Variants in TMEM108 observed in about 807,000 individuals in gnomAD.
TMEM108 encodes cancer/testis antigen 124.
Under a neutral mutation model 35.1 loss-of-function variants are expected in TMEM108, and 12 were observed. The observed-to-expected ratio is 0.34, with a 90% confidence interval of 0.22 to 0.55. TMEM108 has a LOEUF of 0.55. Ranked by LOEUF, TMEM108 falls within the 20% of genes least tolerant of loss-of-function variation. The pLI is 0.89. For synonymous variants in TMEM108, 287 were observed against 308.6 expected (o/e 0.93, Z 0.73); for missense variants, 680 against 753.3 (o/e 0.90, Z 1.14).
intron 3 of TMEM108, among the ~76,000 whole-genome samples, chr3:133,256,358 C>G (rs1428933121): frequency 2.0e-5 from 3 of 152,120 alleles, no homozygotes; most frequent in Non-Finnish European, 4.4e-5. Context: ...AACATTTCTT[C>G]TGAGAAACAA....
intron 2 of TMEM108, among the ~76,000 whole-genome samples, chr3:133,228,670 A>G (rs777205558): frequency 8.5e-5 from 13 of 152,314 alleles, no homozygotes; most frequent in Non-Finnish European, 1.3e-4. Context: ...TCAAAAGGCT[A>G]AAGAGATACA....
chr3:133,343,503 A>C (rs1213274791), intron 3 of TMEM108, among the ~76,000 whole-genome samples: 1 of 151,962 alleles, frequency 6.6e-6, no homozygotes, highest in Non-Finnish European at 1.5e-5. Context: ...TGAGTAAACA[A>C]ACTGTGGTAC....
At chr3:133,219,784 A>G (rs899802681) in intron 2 of TMEM108, among the ~76,000 whole-genome samples, 3 of 152,242 alleles carry the variant, frequency 2.0e-5, no homozygotes. Context: ...TGTGCTTGAG[A>G]AGAATGTGTA....
chr3:133,071,520 G>T (rs980547386), intron 2 of TMEM108, among the ~76,000 whole-genome samples: 1 of 152,016 alleles, frequency 6.6e-6, no homozygotes, highest in African/African-American at 2.4e-5. Flanking sequence ...TGTAAATTGG[G>T]GCAGGAGGAT....
chr3:133,145,189 C>T (rs771030688), intron 2 of TMEM108, among the ~76,000 whole-genome samples: 9 of 152,156 alleles, frequency 5.9e-5, no homozygotes, highest in Admixed American at 1.3e-4. Context: ...TATGACTAGC[C>T]AGTTTTCCCA....
At chr3:133,063,257 C>G (rs1943556529) in intron 2 of TMEM108, among the ~76,000 whole-genome samples, 1 of 152,038 alleles carries the variant, frequency 6.6e-6, no homozygotes, top group African/African-American at 2.4e-5. Context: ...GAGTCATGGC[C>G]ACAGGAGTGA....
intron 3 of TMEM108, among the ~76,000 whole-genome samples, chr3:133,277,635 G>T (rs1443266750): frequency 1.3e-5 from 2 of 152,168 alleles, no homozygotes; most frequent in Non-Finnish European, 2.9e-5. Flanking sequence ...CTGGCATTCC[G>T]CCGGGCACCG....
chr3:133,311,714 A>G (rs2071131101), intron 3 of TMEM108, among the ~76,000 whole-genome samples: 1 of 152,146 alleles, frequency 6.6e-6, no homozygotes, highest in Non-Finnish European at 1.5e-5. Flanking sequence ...ACTGCTGTCA[A>G]CTCATCAAAG....
At chr3:133,101,765 C>G (rs1250250109) in intron 2 of TMEM108, among the ~76,000 whole-genome samples, 1 of 152,206 alleles carries the variant, frequency 6.6e-6, no homozygotes, top group African/African-American at 2.4e-5. Context: ...CAAGACCTTT[C>G]CTTTGAATGT....
chr3:133,329,879 T>C (rs375029692), intron 3 of TMEM108, among the ~76,000 whole-genome samples: 3 of 152,214 alleles, frequency 2.0e-5, no homozygotes. Context: ...TAGGATAGTG[T>C]GTGGTTATAT....
intron 2 of TMEM108, among the ~76,000 whole-genome samples, chr3:133,138,406 A>G (rs1405208207): frequency 6.6e-6 from 1 of 152,210 alleles, no homozygotes; most frequent in Non-Finnish European, 1.5e-5. Context: ...TATCCAACCC[A>G]GGGCCTGTGG....
intron 2 of TMEM108, among the ~76,000 whole-genome samples, chr3:133,106,273 T>G (rs1944152308): frequency 6.6e-6 from 1 of 151,604 alleles, no homozygotes; most frequent in East Asian, 1.9e-4. Context: ...CTATACTGGA[T>G]TTCACTTAGT....
chr3:133,167,579 C>T (rs1460813769), intron 2 of TMEM108, among the ~76,000 whole-genome samples: 7 of 152,246 alleles, frequency 4.6e-5, no homozygotes, highest in East Asian at 1.9e-4. Flanking sequence ...GAGCATGGCA[C>T]GGGTGGGCCG....
intron 2 of TMEM108, among the ~76,000 whole-genome samples, chr3:133,054,509 A>G (rs918968237): frequency 1.3e-5 from 2 of 152,238 alleles, no homozygotes; most frequent in African/African-American, 4.8e-5. Context: ...GTAAGACTCC[A>G]GTTGTGATAA....
intron 2 of TMEM108, among the ~76,000 whole-genome samples, chr3:133,187,208 A>G (rs905911914): frequency 6.6e-6 from 1 of 152,214 alleles, no homozygotes; most frequent in Non-Finnish European, 1.5e-5. Context: ...CTTAACTTTT[A>G]TCTTATATTT....
chr3:133,059,318 A>G (rs1371031960), intron 2 of TMEM108, among the ~76,000 whole-genome samples: 1 of 152,032 alleles, frequency 6.6e-6, no homozygotes. Flanking sequence ...ATTCTTATAT[A>G]TTTTTTTAAA....
At chr3:133,179,883 C>G (rs1245145437) in intron 2 of TMEM108, among the ~76,000 whole-genome samples, 1 of 144,138 alleles carries the variant, frequency 6.9e-6, no homozygotes, top group South Asian at 2.2e-4. Flanking sequence ...CAAGCCTTAT[C>G]AAAAAAAAAA....
At chr3:133,274,124 C>T (rs1425677545) in intron 3 of TMEM108, among the ~76,000 whole-genome samples, 1 of 152,198 alleles carries the variant, frequency 6.6e-6, no homozygotes, top group Non-Finnish European at 1.5e-5. Context: ...GGTAATGCTG[C>T]TCTCAAACAG....
chr3:133,089,044 C>T (rs1249518068), intron 2 of TMEM108, among the ~76,000 whole-genome samples: 1 of 152,092 alleles, frequency 6.6e-6, no homozygotes, highest in African/African-American at 2.4e-5. Flanking sequence ...CTCACATGGC[C>T]AGAGCAGAAG....
Sources: allele counts gnomAD v4.1 joint callset (sites outside exome capture counted in the v4.1 genomes callset), GRCh38; gene constraint gnomAD v4.1.1; transcripts MANE v1.5; gene names NCBI Gene and HGNC (gene_info 2026-07-23, HGNC 2026-07-21).